The following ZNF385D variants were observed in gnomAD, a reference collection of about 807,000 sequenced individuals.
The protein encoded by ZNF385D is zinc finger protein 385D, also known as zinc finger protein 659.
ZNF385D carries 15 observed loss-of-function variants against 35.8 expected under a neutral mutation model. That is an observed-to-expected ratio of 0.42 (90% confidence interval 0.28 to 0.64). The LOEUF is 0.64. Among genes scored for constraint, ZNF385D ranks in the 30% least tolerant of loss-of-function variants. The probability of loss-of-function intolerance (pLI) is 0.23; values close to 1 mark genes in which losing one functional copy is unlikely to be tolerated. For synonymous variants in ZNF385D, 212 were observed against 186.8 expected (o/e 1.13, Z -1.10); for missense variants, 474 against 494.6 (o/e 0.96, Z 0.39).
At chr3:21,425,251 A>G (rs1700966060) in intron 6 of ZNF385D, among the ~76,000 whole-genome samples, 1 of 152,206 alleles carries the variant, frequency 6.6e-6, no homozygotes, top group African/African-American at 2.4e-5. Context: ...ACAGCCAACA[A>G]TTTCTGAAAG....
At chr3:21,824,837 C>A (rs1694498572) in intron 3 of ZNF385D, among the ~76,000 whole-genome samples, 1 of 152,150 alleles carries the variant, frequency 6.6e-6, no homozygotes, top group Non-Finnish European at 1.5e-5. Flanking sequence ...TCCTTGATGA[C>A]TGTTTTTACA....
chr3:21,801,639 G>T (rs1385652433), intron 3 of ZNF385D, among the ~76,000 whole-genome samples: 1 of 152,058 alleles, frequency 6.6e-6, no homozygotes. Context: ...TATTTAATAG[G>T]AAAACTACAA....
intron 3 of ZNF385D, chr3:22,134,261 ATAT>A (rs1703971334): frequency 6.6e-6 from 1 of 152,174 alleles, no homozygotes; most frequent in Non-Finnish European, 1.5e-5. Flanking sequence ...CTGGAGTGTT[ATAT>A]TAATATTAAA....
chr3:21,887,623 A>G (rs1698616976), intron 3 of ZNF385D, among the ~76,000 whole-genome samples: 3 of 152,160 alleles, frequency 2.0e-5, no homozygotes, highest in Admixed American at 2.0e-4. Flanking sequence ...ATCGTGTGAT[A>G]GAACAAAAAC....
chr3:21,641,074 G>C (rs1036122900), intron 2 of ZNF385D, among the ~76,000 whole-genome samples: 1 of 152,068 alleles, frequency 6.6e-6, no homozygotes, highest in Non-Finnish European at 1.5e-5. Context: ...TTATGTAGTA[G>C]AATGTCCCAA....
At chr3:21,454,860 C>T (rs1043942430) in intron 4 of ZNF385D, among the ~76,000 whole-genome samples, 4 of 152,034 alleles carry the variant, frequency 2.6e-5, no homozygotes, top group Admixed American at 6.5e-5. Context: ...AGCCCAAAAT[C>T]GCCTTAAGCT....
intron 2 of ZNF385D, among the ~76,000 whole-genome samples, chr3:22,271,491 C>G (rs1701174204): frequency 6.6e-6 from 1 of 151,966 alleles, no homozygotes; most frequent in African/African-American, 2.4e-5. Flanking sequence ...TCCCTTGGAG[C>G]AAAACCCAGG....
intron 2 of ZNF385D, among the ~76,000 whole-genome samples, chr3:22,282,768 A>G (rs561392675): frequency 3.2e-4 from 48 of 152,244 alleles, no homozygotes; most frequent in Admixed American, 1.7e-3. Context: ...CTATAAAATT[A>G]TAACACAATG....
At chr3:22,169,507 T>C (rs1209189588) in intron 2 of ZNF385D, among the ~76,000 whole-genome samples, 2 of 152,176 alleles carry the variant, frequency 1.3e-5, no homozygotes, top group African/African-American at 4.8e-5. Flanking sequence ...TAAATAAAGT[T>C]CTTATATTCC....
intron 4 of ZNF385D, among the ~76,000 whole-genome samples, chr3:21,483,325 C>T (rs2125384226): frequency 6.6e-6 from 1 of 152,292 alleles, no homozygotes; most frequent in South Asian, 2.1e-4. Context: ...GTTTATTCCT[C>T]TTTACTGCTG....
intron 3 of ZNF385D, among the ~76,000 whole-genome samples, chr3:22,071,573 T>C (rs952978563): frequency 2.0e-5 from 3 of 152,180 alleles, no homozygotes; most frequent in African/African-American, 7.2e-5. Flanking sequence ...CCATACATGC[T>C]CCTCACTTTC....
chr3:22,332,404 T>C lies in ZNF385D; in HGVS notation c.106+40046A>G, dbSNP rs1280816298. 2.6e-5 allele frequency among the ~76,000 whole-genome samples: 4 copies of C among 152,286 alleles called. No individual in the cohort carries two copies. In the South Asian group the frequency reaches 8.3e-4, roughly 32 times the overall value. On this transcript the variant is annotated intron_variant, in intron 2 of 5. Transcript: ENST00000494108. ...GAAGATTCAATGAAGAAATTATTTA[T>C]GAAAATTATTTGTATACAAATAAAA...
intron 3 of ZNF385D, among the ~76,000 whole-genome samples, chr3:21,520,189 T>C (rs1707822360): frequency 1.3e-5 from 2 of 152,160 alleles, no homozygotes; most frequent in South Asian, 4.1e-4. Flanking sequence ...CTGGTAGATG[T>C]TGGGATGCCA....
chr3:21,842,480 T>A lies in ZNF385D; in HGVS notation c.326-177452A>T, dbSNP rs181666969. Among the ~76,000 whole-genome samples the A allele has an allele frequency of 6.4e-4, 98 of 152,078 alleles. No homozygotes were observed. The East Asian group carries it at 0.016, about 24-fold the overall frequency. On this transcript the variant is annotated intron_variant, in intron 3 of 5. Coordinates refer to the ZNF385D transcript ENST00000494108. ...TATGTGAAAGGCCAGTGATTGGTAA[T>A]CATGAAAGATGACTTCAAGCCCCAT...
chr3:21,806,061 A>G (rs558264076), intron 3 of ZNF385D, among the ~76,000 whole-genome samples: 10 of 152,286 alleles, frequency 6.6e-5, no homozygotes, highest in African/African-American at 2.2e-4. Flanking sequence ...TGGGAAATTC[A>G]TATGCATGTT....
intron 1 of ZNF385D, among the ~76,000 whole-genome samples, chr3:21,721,075 C>A (rs1221336989): frequency 1.3e-5 from 2 of 149,010 alleles, no homozygotes; most frequent in Non-Finnish European, 3.0e-5. Flanking sequence ...TTTTTTTTTT[C>A]TTTTTTCTAG....
chr3:21,582,096 A>C (rs2063684511), intron 2 of ZNF385D, among the ~76,000 whole-genome samples: 1 of 152,208 alleles, frequency 6.6e-6, no homozygotes, highest in East Asian at 1.9e-4. Context: ...AAAAACCAGG[A>C]TAAATGATTT....
chr3:22,304,564 T>C (rs778611073), intron 2 of ZNF385D, among the ~76,000 whole-genome samples: 25 of 152,192 alleles, frequency 1.6e-4, no homozygotes, highest in Admixed American at 3.3e-4. Context: ...TTTTAATATC[T>C]TCTATGGTTA....
chr3:21,760,285 A>G (rs1307348703), intron 3 of ZNF385D, among the ~76,000 whole-genome samples: 1 of 152,132 alleles, frequency 6.6e-6, no homozygotes. Context: ...ACCCAAAGGA[A>G]CTCTGCACAG....
Sources: gnomAD v4.1 joint callset for allele counts (sites outside exome capture counted in the v4.1 genomes callset) on GRCh38, gnomAD v4.1.1 for gene constraint, MANE v1.5 for transcripts, NCBI Gene and HGNC (gene_info 2026-07-23, HGNC 2026-07-21) for gene names.